Variants in CSMD1 observed in about 807,000 individuals in gnomAD.
CSMD1 encodes CUB and sushi domain-containing protein 1.
CSMD1 carries 213 observed loss-of-function variants against 417.5 expected under a neutral mutation model. The ratio of observed to expected loss-of-function variants is 0.51; its 90% CI spans 0.46 to 0.57. The LOEUF (loss-of-function observed/expected upper bound fraction) is 0.57, where lower values mean the gene tolerates loss of function less well. CSMD1 is among the 20% of genes least tolerant of loss of function. The probability of loss-of-function intolerance (pLI) is 0.00; values close to 1 mark genes in which losing one functional copy is unlikely to be tolerated. For synonymous variants in CSMD1, 2,862 were observed against 1,736.8 expected (o/e 1.65, Z -16.11); for missense variants, 6,923 against 4,529.7 (o/e 1.53, Z -15.17).
At chr8:4,340,136 G>T (rs1182870573) in intron 3 of CSMD1, among the ~76,000 whole-genome samples, 1 of 152,020 alleles carries the variant, frequency 6.6e-6, no homozygotes, top group African/African-American at 2.4e-5. Flanking sequence ...CTCTTTCAGG[G>T]CTCTCATTTA....
chr8:3,286,484 A>G (rs532888102), intron 25 of CSMD1, among the ~76,000 whole-genome samples: 1 of 151,926 alleles, frequency 6.6e-6, no homozygotes, highest in African/African-American at 2.4e-5. Context: ...CCTCTCCAGC[A>G]CCTGTTTTTT....
At chr8:4,150,951 CT>C (rs1796543100) in intron 3 of CSMD1, among the ~76,000 whole-genome samples, 1 of 152,116 alleles carries the variant, frequency 6.6e-6, no homozygotes, top group South Asian at 2.1e-4. Context: ...AACGTCCAAA[CT>C]TTCAGTAAAA....
At chr8:4,515,147 T>G (rs1266040171) in intron 2 of CSMD1, among the ~76,000 whole-genome samples, 1 of 152,216 alleles carries the variant, frequency 6.6e-6, no homozygotes, top group Non-Finnish European at 1.5e-5. Context: ...GTGGTGTGGC[T>G]GTTATTATGT....
intron 1 of CSMD1, among the ~76,000 whole-genome samples, chr8:4,756,952 G>C (rs1214417213): frequency 1.3e-5 from 2 of 152,212 alleles, no homozygotes; most frequent in African/African-American, 4.8e-5. Flanking sequence ...AAAGAAACCT[G>C]TTCAAACACA....
chr8:4,855,113 C>G (rs891811831), intron 1 of CSMD1, among the ~76,000 whole-genome samples: 1 of 151,840 alleles, frequency 6.6e-6, no homozygotes, highest in Non-Finnish European at 1.5e-5. Flanking sequence ...ACCCCTGACC[C>G]CCGAGCAGCC....
chr8:3,912,006 C>A (rs938679218), intron 5 of CSMD1, among the ~76,000 whole-genome samples: 1 of 152,180 alleles, frequency 6.6e-6, no homozygotes, highest in Non-Finnish European at 1.5e-5. Flanking sequence ...TTCAAAGGAT[C>A]ACCAATTGTC....
intron 3 of CSMD1, among the ~76,000 whole-genome samples, chr8:4,092,856 AT>A (rs1318853797): frequency 2.0e-5 from 3 of 152,170 alleles, no homozygotes; most frequent in Non-Finnish European, 4.4e-5. Flanking sequence ...TTGAATAATC[AT>A]TATAAGTAGA....
At chr8:4,070,409 G>C (rs973125833) in intron 3 of CSMD1, among the ~76,000 whole-genome samples, 3 of 152,120 alleles carry the variant, frequency 2.0e-5, no homozygotes, top group African/African-American at 4.8e-5. Context: ...CCAGGCTGGA[G>C]TGCAGTGGTG....
intron 3 of CSMD1, among the ~76,000 whole-genome samples, chr8:4,053,218 A>G (rs1798524186): frequency 6.6e-6 from 1 of 152,230 alleles, no homozygotes; most frequent in Non-Finnish European, 1.5e-5. Flanking sequence ...AAAAGTCACT[A>G]ACAACAGCAC....
rs1202841349 is a variant in CSMD1 at position 3,118,584 on chromosome 8, T to G, written c.6245A>C (p.Tyr2082Ser). The change falls in exon 42 of 70, where the codon TAT becomes TCT. Residue 2082 changes from tyrosine to serine, a missense_variant. Tyr to Ser is a moderately radical substitution (Grantham distance 144). Transcript: ENST00000635120. Reference protein sequence around the residue: ...RQGFKLAYQAYELQNCPDPPP... With the variant: ...RQGFKLAYQASELQNCPDPPP... ...TGGATCTGGACAGTTCTGTAATTCA[T>G]AGGCTGAAAGAAACAAACAGACAAA... 3.1e-6 allele frequency: 5 copies of G among 1,610,076 alleles called. No individual in the cohort carries two copies. The South Asian group carries it at 5.6e-5, about 18-fold the overall frequency.
rs963286368 is a variant in CSMD1, at chr8:4,125,993, G to C, written c.416-93894C>G. On this transcript the variant is annotated intron_variant, in intron 3 of 69. Coordinates refer to ENST00000635120, the MANE Select transcript of CSMD1 (RefSeq NM_033225.6). ...CCTAAGATCTAAGATCGGTGGTTGTGATATGTTGCAGACCCTGCACTCCAT... is the reference window on the plus strand; with the variant it reads ...CCTAAGATCTAAGATCGGTGGTTGTCATATGTTGCAGACCCTGCACTCCAT... 5.9e-5 allele frequency among the ~76,000 whole-genome samples: 9 copies of C among 152,012 alleles called. 1 individual carries two copies. The highest frequency in any genetic ancestry group is 2.6e-4 in the Admixed American group (4 of 15,272).
At chr8:4,926,903 CTTTG>C (rs1806906639) in intron 1 of CSMD1, among the ~76,000 whole-genome samples, 2 of 151,984 alleles carry the variant, frequency 1.3e-5, no homozygotes, top group South Asian at 4.1e-4. Context: ...GCAAAGGTAA[CTTTG>C]TTTTAGTTAA....
intron 23 of CSMD1, among the ~76,000 whole-genome samples, chr8:3,321,190 T>A (rs1806131484): frequency 6.6e-6 from 1 of 152,070 alleles, no homozygotes; most frequent in Non-Finnish European, 1.5e-5. Context: ...CAGTGCTTAG[T>A]CTAAGCCTTC....
At chr8:4,447,261 G>A (rs7826600) in intron 2 of CSMD1, among the ~76,000 whole-genome samples, 2,498 of 152,232 alleles carry the variant, frequency 0.016, 65 homozygotes, top group African/African-American at 0.056. Context: ...TAGCAGGTTA[G>A]ATACAACTAA....
At chr8:4,879,513 G>A (rs1803263608) in intron 1 of CSMD1, among the ~76,000 whole-genome samples, 1 of 152,034 alleles carries the variant, frequency 6.6e-6, no homozygotes, top group African/African-American at 2.4e-5. Context: ...TGTTTATAAG[G>A]GACAGAAATA....
At chr8:4,832,452 A>G (rs542636256) in intron 1 of CSMD1, among the ~76,000 whole-genome samples, 1 of 152,334 alleles carries the variant, frequency 6.6e-6, no homozygotes, top group South Asian at 2.1e-4. Flanking sequence ...CGCTGTGGCC[A>G]GGGAAAAAAT....
intron 10 of CSMD1, among the ~76,000 whole-genome samples, chr8:3,508,760 G>A (rs1049673771): frequency 6.6e-5 from 10 of 152,012 alleles, no homozygotes; most frequent in African/African-American, 1.4e-4. Context: ...TATTTAGACC[G>A]AATAGAGGAC....
chr8:3,756,308 G>T (rs7822315), intron 5 of CSMD1, among the ~76,000 whole-genome samples: 30,197 of 150,004 alleles, frequency 0.2, 3,474 homozygotes, highest in South Asian at 0.3. Flanking sequence ...AGCTGAGATC[G>T]CGCCACTGCA....
intron 1 of CSMD1, among the ~76,000 whole-genome samples, chr8:4,638,680 C>T (rs1237081821): frequency 6.6e-6 from 1 of 152,160 alleles, no homozygotes; most frequent in Non-Finnish European, 1.5e-5. Context: ...AGCAGGACAG[C>T]AGGACATCTC....
Sources: allele counts gnomAD v4.1 joint callset (sites outside exome capture counted in the v4.1 genomes callset), GRCh38; gene constraint gnomAD v4.1.1; transcripts MANE v1.5; gene names NCBI Gene and HGNC (gene_info 2026-07-23, HGNC 2026-07-21).